FSTL5: variants seen among roughly 807,000 people sequenced by gnomAD.
The protein encoded by FSTL5 is follistatin like 5, also known as follistatin-related protein 5.
FSTL5 carries 62 observed loss-of-function variants against 89.1 expected under a neutral mutation model. The ratio of observed to expected loss-of-function variants is 0.70; its 90% CI spans 0.57 to 0.86. The LOEUF is 0.86. Among genes scored for constraint, FSTL5 ranks in the 40% least tolerant of loss-of-function variants. FSTL5 has a pLI of 0.00. For synonymous variants in FSTL5, 383 were observed against 346.2 expected, an observed-to-expected ratio of 1.11 and a Z score of -1.18; for missense variants, 1,057 against 1,001.6, an observed-to-expected ratio of 1.06 and a Z score of -0.75.
intron 6 of FSTL5, among the ~76,000 whole-genome samples, chr4:161,710,808 A>G (rs941057904): frequency 6.6e-6 from 1 of 152,218 alleles, no homozygotes; most frequent in African/African-American, 2.4e-5. Flanking sequence ...TATGTATATG[A>G]TAAGCCTTAG....
rs138584344 is a variant in FSTL5, at chr4:161,582,473, C to A, written c.1015+4982G>T. Among the ~76,000 whole-genome samples the A allele has an allele frequency of 2.0e-5, 3 of 152,204 alleles. No homozygotes were observed. The East Asian group carries it at 5.8e-4, about 29-fold the overall frequency. ...ACTACTGTTTGTTGTTGTTGACTTACAACACTTGAGTAATCCCAAGTTTGT... is the reference window on the plus strand; with the variant it reads ...ACTACTGTTTGTTGTTGTTGACTTAAAACACTTGAGTAATCCCAAGTTTGT... On this transcript the variant is annotated intron_variant, in intron 8 of 15. Coordinates refer to ENST00000306100, the MANE Select transcript of FSTL5 (RefSeq NM_020116.5).
intron 2 of FSTL5, among the ~76,000 whole-genome samples, chr4:162,078,825 T>C (rs1189467027): frequency 6.6e-6 from 1 of 151,724 alleles, no homozygotes; most frequent in Non-Finnish European, 1.5e-5. Context: ...CTCAAGAGAT[T>C]CTCTGGACTA....
intron 1 of FSTL5, among the ~76,000 whole-genome samples, chr4:162,119,376 A>G (rs1731771121): frequency 6.6e-6 from 1 of 152,226 alleles, no homozygotes; most frequent in Admixed American, 6.5e-5. Flanking sequence ...AGATCAAGGT[A>G]AGTGAAGATA....
intron 7 of FSTL5, among the ~76,000 whole-genome samples, chr4:161,605,577 G>T (rs1424191468): frequency 1.3e-5 from 2 of 152,042 alleles, no homozygotes; most frequent in African/African-American, 2.4e-5. Context: ...CTGCCTCCAA[G>T]ATTATTAATT....
chr4:161,718,261 CT>C (rs1346478509), intron 6 of FSTL5, among the ~76,000 whole-genome samples: 2 of 152,024 alleles, frequency 1.3e-5, no homozygotes, highest in African/African-American at 4.8e-5. Flanking sequence ...TAAGAGATAG[CT>C]TTATATAGTA....
intron 3 of FSTL5, among the ~76,000 whole-genome samples, chr4:162,024,798 T>C (rs971013655): frequency 6.6e-6 from 1 of 151,994 alleles, no homozygotes; most frequent in Non-Finnish European, 1.5e-5. Context: ...ACTACACACC[T>C]GCCACCATGC....
At chr4:161,721,998 G>GA (rs1180136105) in intron 6 of FSTL5, among the ~76,000 whole-genome samples, 1 of 152,040 alleles carries the variant, frequency 6.6e-6, no homozygotes, top group African/African-American at 2.4e-5. Context: ...TATAATTGGA[G>GA]AGTGATAACA....
chr4:161,632,439 C>A (rs940468504), intron 7 of FSTL5, among the ~76,000 whole-genome samples: 2 of 151,930 alleles, frequency 1.3e-5, no homozygotes, highest in African/African-American at 4.8e-5. Context: ...AACATGGGGG[C>A]AATAATACAT....
chr4:161,736,689 G>A (rs1204611263), intron 6 of FSTL5, among the ~76,000 whole-genome samples: 7 of 152,068 alleles, frequency 4.6e-5, no homozygotes, highest in African/African-American at 1.7e-4. Flanking sequence ...AGCCAGGTGA[G>A]GGGGCTGCAT....
intron 6 of FSTL5, among the ~76,000 whole-genome samples, chr4:161,662,039 G>C (rs1384139557): frequency 6.6e-6 from 1 of 152,028 alleles, no homozygotes; most frequent in Non-Finnish European, 1.5e-5. Context: ...AGCGATAACA[G>C]CAATACTTAG....
chr4:161,404,430 C>T (rs1731286961), intron 15 of FSTL5, among the ~76,000 whole-genome samples: 1 of 152,156 alleles, frequency 6.6e-6, no homozygotes, highest in Non-Finnish European at 1.5e-5. Context: ...AAGCTTTTAT[C>T]TCCCAATATC....
intron 1 of FSTL5, among the ~76,000 whole-genome samples, chr4:162,127,359 T>G (rs12509085): frequency 0.11 from 16,205 of 152,222 alleles, 1,202 homozygotes; most frequent in African/African-American, 0.2. Context: ...GTATGTTTTG[T>G]TCTGTTTTAA....
rs142274744 is a variant in FSTL5 at position 162,148,051 on chromosome 4, T to G, written c.-17+15564A>C. ...GAAATACGAAGATTACTCAGGCAAA[T>G]AAAAGACATTTATACCTAGCCAACC... On this transcript the variant is annotated intron_variant, in intron 1 of 15. Coordinates refer to ENST00000306100, the MANE Select transcript of FSTL5 (RefSeq NM_020116.5). 4.9e-3 allele frequency among the ~76,000 whole-genome samples: 743 copies of G among 152,218 alleles called. 7 individuals carry two copies. The highest frequency in any genetic ancestry group is 6.8e-3 in the Middle Eastern group (2 of 294).
At position 161,526,930 on chromosome 4, in the gene FSTL5, G is replaced by A. The variant is rs555544288; in HGVS notation, c.1312+11236C>T. 1.2e-3 allele frequency among the ~76,000 whole-genome samples: 177 copies of A among 152,218 alleles called. No individual in the cohort carries two copies. The Middle Eastern group carries it at 0.014, about 12-fold the overall frequency. On this transcript the variant is annotated intron_variant, in intron 10 of 15. Coordinates refer to ENST00000306100, the MANE Select transcript of FSTL5 (RefSeq NM_020116.5). The stretch of plus-strand genomic sequence containing the variant: ...GCTTAGGACTGACTTGGTGATGCGG[G>A]CTCTTTTTTGGTGCCATATGAACTT...
In FSTL5 at chr4:161,597,593, C is replaced by T. The variant is rs1485362994; in HGVS notation, c.895-10018G>A. ...TGTATACATATGTGACAAACCTGCA[C>T]GTTGTGCACATGTACGCTAGAACTT... On this transcript the variant is annotated intron_variant, in intron 7 of 15. Coordinates refer to ENST00000306100, the MANE Select transcript of FSTL5 (RefSeq NM_020116.5). Among the ~76,000 whole-genome samples the T allele has an allele frequency of 5.3e-5, 8 of 150,990 alleles. No homozygotes were observed. In the South Asian group the frequency reaches 6.3e-4, roughly 12 times the overall value.
intron 3 of FSTL5, among the ~76,000 whole-genome samples, chr4:161,960,763 A>G (rs926039883): frequency 6.6e-6 from 1 of 152,148 alleles, no homozygotes; most frequent in African/African-American, 2.4e-5. Flanking sequence ...TTTTCCACCA[A>G]TACAAGTCTG....
chr4:161,692,669 C>T (rs866937316), intron 6 of FSTL5, among the ~76,000 whole-genome samples: 4 of 152,010 alleles, frequency 2.6e-5, no homozygotes, highest in African/African-American at 9.7e-5. Flanking sequence ...GTCACCTGTA[C>T]GTGAAGTAGA....
intron 3 of FSTL5, among the ~76,000 whole-genome samples, chr4:161,932,166 T>G (rs973636016): frequency 6.6e-6 from 1 of 152,016 alleles, no homozygotes; most frequent in African/African-American, 2.4e-5. Flanking sequence ...GTTTTTCAAA[T>G]TCTTGCCTGT....
intron 3 of FSTL5, among the ~76,000 whole-genome samples, chr4:162,018,655 A>T (rs1175524317): frequency 0.017 from 1 of 58 alleles, no homozygotes; most frequent in Non-Finnish European, 0.031. Flanking sequence ...TCTTTAATTA[A>T]AAAAAAAAAT....
Sources: allele counts gnomAD v4.1 joint callset (sites outside exome capture counted in the v4.1 genomes callset), GRCh38; gene constraint gnomAD v4.1.1; transcripts MANE v1.5; gene names NCBI Gene and HGNC (gene_info 2026-07-23, HGNC 2026-07-21).